CENPE: variants seen among roughly 807,000 people sequenced by gnomAD.
CENPE encodes centromere protein E.
In CENPE, 145 loss-of-function variants were observed where a neutral mutation model predicts 336.1. That is an observed-to-expected ratio of 0.43 (90% confidence interval 0.38 to 0.50). The LOEUF (loss-of-function observed/expected upper bound fraction) is 0.50, where lower values mean the gene tolerates loss of function less well. Ranked by LOEUF, CENPE falls within the 20% of genes least tolerant of loss-of-function variation. The pLI is 0.00. For synonymous variants in CENPE, 1,013 were observed against 984.8 expected (o/e 1.03, Z -0.54); for missense variants, 2,719 against 3,023.3 (o/e 0.90, Z 2.36).
At chr4:103,124,653 T>C (rs11730764) in intron 42 of CENPE, among the ~76,000 whole-genome samples, 22,228 of 152,178 alleles carry the variant, frequency 0.15, 1,916 homozygotes, top group South Asian at 0.3. Flanking sequence ...AATACTCTTT[T>C]ATATTGAAGG....
In CENPE at chr4:103,181,335, A is replaced by G. The variant is rs1756311514; in HGVS notation, c.1083+2T>C. On this transcript the variant is annotated splice_donor_variant, in intron 12 of 48. Transcript: ENST00000265148. LOFTEE classifies it high-confidence loss of function. ...TTAATGAAATAAATGATTCATACAT[A>G]CCTCCTCTAATTGTTTTTTAAGATC... The G allele has an allele frequency of 6.6e-7, 1 of 1,516,494 alleles. No individual in the cohort carries two copies. The highest frequency in any genetic ancestry group is 8.9e-7 in the Non-Finnish European group (1 of 1,120,716). The allele number at this position is 1,516,494 out of a possible 1,614,324, so 93.9% of individuals were successfully genotyped here.
intron 26 of CENPE, 46 bp downstream of exon 26, chr4:103,151,173 A>T (rs1424845093): frequency 1.9e-6 from 3 of 1,557,250 alleles, no homozygotes; most frequent in South Asian, 2.4e-5. Flanking sequence ...CCAAAAAAAA[A>T]GTTTAGTTAG....
chr4:103,120,797 G>A (rs780210637), intron 43 of CENPE, among the ~76,000 whole-genome samples: 17 of 151,498 alleles, frequency 1.1e-4, no homozygotes, highest in African/African-American at 3.2e-4. Flanking sequence ...ATGCAGTGGC[G>A]CAATCTCGAC....
intron 21 of CENPE, among the ~76,000 whole-genome samples, chr4:103,159,896 G>A (rs1242213665): frequency 6.6e-6 from 1 of 151,690 alleles, no homozygotes; most frequent in East Asian, 1.9e-4. Context: ...TGAAAGATAA[G>A]GGCAGAGAGA....
chr4:103,196,004 T>C lies in CENPE; in HGVS notation c.273A>G (p.Gly91=). 1 of 1,613,810 alleles carries C rather than the reference T, an allele frequency of 6.2e-7. No individual in the cohort carries two copies. The highest frequency in any genetic ancestry group is 1.3e-5 in the African/African-American group (1 of 75,018). Residue 91 remains glycine, a synonymous_variant, in exon 4 of 49, where the codon GGA becomes GGG. Transcript: ENST00000265148. ...CTGAACCCATCATGGTATATGTTTT[T>C]CCTGAAGCAGTCTGTCCATAGGCAA... ...TIFAYGQTAS[G]KTYTMMGSED...
chr4:103,179,395 A>G (rs1393243912), intron 13 of CENPE, among the ~76,000 whole-genome samples: 1 of 152,210 alleles, frequency 6.6e-6, no homozygotes, highest in Non-Finnish European at 1.5e-5. Flanking sequence ...AGAACATCTT[A>G]AGTGCAAGGA....
chr4:103,190,977 G>A (rs548732236), intron 8 of CENPE, among the ~76,000 whole-genome samples: 5 of 149,668 alleles, frequency 3.3e-5, no homozygotes, highest in Non-Finnish European at 7.4e-5. Context: ...ACATCGACAA[G>A]TGGGCGAAGG....
intron 21 of CENPE, among the ~76,000 whole-genome samples, chr4:103,160,252 C>A (rs1212738521): frequency 6.6e-6 from 1 of 151,790 alleles, no homozygotes; most frequent in African/African-American, 2.4e-5. Context: ...ATCAGTGCAA[C>A]CTCTTTTCCC....
At chr4:103,121,864 A>T (rs1750653371) in intron 43 of CENPE, among the ~76,000 whole-genome samples, 1 of 150,644 alleles carries the variant, frequency 6.6e-6, no homozygotes, top group Non-Finnish European at 1.5e-5. Flanking sequence ...CAAGTAAACC[A>T]TTTTTTTTTC....
At chr4:103,120,406 A>G in intron 43 of CENPE, 73 bp from the exon 44 acceptor site, 1 of 1,260,660 alleles carries the variant, frequency 7.9e-7, no homozygotes. Context: ...TGAGACAGAG[A>G]TGATCATATT....
intron 42 of CENPE, among the ~76,000 whole-genome samples, chr4:103,132,413 C>T (rs965238181): frequency 6.6e-6 from 1 of 152,086 alleles, no homozygotes; most frequent in Non-Finnish European, 1.5e-5. Context: ...TCAGTTCTTA[C>T]AGAAGCAGTG....
intron 38 of CENPE, among the ~76,000 whole-genome samples, chr4:103,139,522 T>C (rs1752359363): frequency 6.6e-6 from 1 of 152,072 alleles, no homozygotes; most frequent in South Asian, 2.1e-4. Context: ...TATCTCTTGA[T>C]TAAAAAAAAC....
At chr4:103,188,726 A>G (rs1055936694) in intron 8 of CENPE, among the ~76,000 whole-genome samples, 6 of 152,234 alleles carry the variant, frequency 3.9e-5, no homozygotes, top group Non-Finnish European at 7.3e-5. Context: ...CATCACAATT[A>G]AAAGAACTAG....
At chr4:103,156,138 A>T (rs6832024) in intron 24 of CENPE, among the ~76,000 whole-genome samples, 9,997 of 152,224 alleles carry the variant, frequency 0.066, 1,081 homozygotes, top group African/African-American at 0.23. Context: ...TTAGAAGACA[A>T]TATTTTTAAG....
intron 32 of CENPE, 111 bp downstream of exon 32, chr4:103,144,939 C>T (rs1041439092): frequency 5.3e-5 from 52 of 979,096 alleles, no homozygotes; most frequent in South Asian, 8.9e-5. Flanking sequence ...CTTTTATTTC[C>T]GGTCCCTTTA....
Position 103,144,872 on chromosome 4 carries a change from T to A in CENPE, c.4857+178A>T, listed in dbSNP as rs149338126. On this transcript the variant is annotated intron_variant, in intron 32 of 48. Transcript: ENST00000265148. Reference sequence around the variant, plus strand: ...TACTTGAGCTGTCTTCTCTGAAATATTCTGTCTACTAACAGTTTACTGGTA... The same window carrying A: ...TACTTGAGCTGTCTTCTCTGAAATAATCTGTCTACTAACAGTTTACTGGTA... Among the ~76,000 whole-genome samples, 31 of 152,342 alleles carry A rather than the reference T, an allele frequency of 2.0e-4. 1 individual carries two copies. Among genetic ancestry groups the A allele is most frequent in the African/African-American group, 7.5e-4 (31 of 41,582 alleles).
intron 48 of CENPE, among the ~76,000 whole-genome samples, chr4:103,107,166 T>C (rs1748969747): frequency 6.6e-6 from 1 of 151,990 alleles, no homozygotes; most frequent in South Asian, 2.1e-4. Context: ...AGCCTAGGAG[T>C]TCAAGGCCAG....
intron 47 of CENPE, among the ~76,000 whole-genome samples, chr4:103,110,266 C>T (rs1560584637): frequency 6.6e-6 from 1 of 152,140 alleles, no homozygotes; most frequent in Non-Finnish European, 1.5e-5. Context: ...CCCCTAACAC[C>T]TAGATAACGT....
intron 42 of CENPE, among the ~76,000 whole-genome samples, chr4:103,127,109 A>C (rs529666458): frequency 6.6e-5 from 10 of 150,964 alleles, no homozygotes; most frequent in East Asian, 1.9e-4. Flanking sequence ...AAAAAAAAAA[A>C]AAACCAAAAA....
Sources: gnomAD v4.1 joint callset for allele counts (sites outside exome capture counted in the v4.1 genomes callset) on GRCh38, gnomAD v4.1.1 for gene constraint, MANE v1.5 for transcripts, NCBI Gene and HGNC (gene_info 2026-07-23, HGNC 2026-07-21) for gene names.